CEP43: variants seen among roughly 807,000 people sequenced by gnomAD.
CEP43 encodes the protein FGFR1 oncogene partner.
In CEP43, 36 loss-of-function variants were observed where a neutral mutation model predicts 52.6. The observed-to-expected ratio is 0.68, with a 90% CI of 0.52 to 0.90. The LOEUF (loss-of-function observed/expected upper bound fraction) is 0.90. Ranked by LOEUF, CEP43 falls within the 40% of genes least tolerant of loss-of-function variation. The probability of loss-of-function intolerance (pLI) is 0.00; values close to 1 mark genes in which losing one functional copy is unlikely to be tolerated. For missense variants in CEP43, 506 were observed against 472.8 expected, an observed-to-expected ratio of 1.07 and a Z score of -0.65; for synonymous variants, 192 against 172.4, an observed-to-expected ratio of 1.11 and a Z score of -0.89.
chr6:167,036,791 T>G (rs761997892), intron 12 of CEP43: 3 of 984,446 alleles, frequency 3.0e-6, no homozygotes, highest in Non-Finnish European at 3.6e-6. Flanking sequence ...AAAGCCGCCT[T>G]TATTAGTTTT....
chr6:167,024,090 C>T (rs866198499), intron 8 of CEP43, among the ~76,000 whole-genome samples: 3 of 152,002 alleles, frequency 2.0e-5, no homozygotes, highest in Admixed American at 6.6e-5. Context: ...TGGAGGGCTG[C>T]GCAGCAGTGG....
At position 167,025,103 on chromosome 6, in the gene CEP43, C is replaced by G. The variant is rs890370031; in HGVS notation, c.919+209C>G. 7.6e-5 allele frequency: 35 copies of G among 458,646 alleles called. No individual in the cohort carries two copies. In the Admixed American group the frequency reaches 1.0e-3, roughly 14 times the overall value. 28.4% of individuals were successfully genotyped at this position (458,646 alleles called of 1,614,324 possible). ...TATGTTGTTTTGTATTCTGGCCCTTCCTATACCTATATACCATCGGAATAC... is the reference window on the plus strand; with the variant it reads ...TATGTTGTTTTGTATTCTGGCCCTTGCTATACCTATATACCATCGGAATAC... On this transcript the variant is annotated intron_variant, in intron 9 of 12. Transcript: ENST00000366847.
intron 5 of CEP43, among the ~76,000 whole-genome samples, chr6:167,008,074 T>C (rs983545027): frequency 6.6e-6 from 1 of 152,166 alleles, no homozygotes; most frequent in South Asian, 2.1e-4. Context: ...TCAGCCCTTA[T>C]GAAATGTTCT....
chr6:167,027,062 T>C (rs1780371960), intron 10 of CEP43, among the ~76,000 whole-genome samples: 1 of 152,196 alleles, frequency 6.6e-6, no homozygotes, highest in African/African-American at 2.4e-5. Flanking sequence ...GAGAAAAATT[T>C]GGGCAGAGGC....
intron 10 of CEP43, among the ~76,000 whole-genome samples, chr6:167,027,712 A>T (rs1780384425): frequency 6.6e-6 from 1 of 152,210 alleles, no homozygotes; most frequent in South Asian, 2.1e-4. Flanking sequence ...CTATTTCCTC[A>T]TCTGTTAAGT....
intron 7 of CEP43, among the ~76,000 whole-genome samples, chr6:167,014,139 AATGG>A (rs1463258239): frequency 1.3e-5 from 2 of 152,230 alleles, no homozygotes; most frequent in Non-Finnish European, 2.9e-5. Context: ...TTTTCTTTTG[AATGG>A]ATGATTATAT....
intron 7 of CEP43, among the ~76,000 whole-genome samples, chr6:167,014,861 ATACCT>A (rs1322307225): frequency 6.6e-6 from 1 of 152,256 alleles, no homozygotes; most frequent in East Asian, 1.9e-4. Context: ...GAGATGAGAC[ATACCT>A]TAAGTAAGAT....
rs1368486043 is a variant in CEP43 at position 167,036,783 on chromosome 6, A to C, written c.1125+2812A>C. 3.0e-6 allele frequency: 3 copies of C among 984,496 alleles called. No individual in the cohort carries two copies. In the African/African-American group the frequency reaches 5.2e-5, roughly 17 times the overall value. The allele number at this position is 984,496 out of a possible 1,614,324, so 61.0% of individuals were successfully genotyped here. ...TATTCTAAAACTAAGGAGGCATGAA[A>C]GCCGCCTTTATTAGTTTTGTTTTTG... is the stretch of plus-strand genomic sequence containing the variant. On this transcript the variant is annotated intron_variant, in intron 12 of 12. Transcript: ENST00000366847.
At chr6:167,013,099 A>G (rs956247502) in intron 6 of CEP43, among the ~76,000 whole-genome samples, 20 of 152,196 alleles carry the variant, frequency 1.3e-4, no homozygotes, top group Non-Finnish European at 2.9e-4. Context: ...ACTCTCCAAG[A>G]GTAGGGTCCA....
rs146335239 is a variant in CEP43 at position 167,047,246 on chromosome 6, T to C, written c.*7268T>C. On this transcript the variant is annotated 3_prime_UTR_variant, in exon 13 of 13. Coordinates refer to ENST00000366847, the MANE Select transcript of CEP43 (RefSeq NM_007045.4). ...CACGAGGGAGGAGCACAGGCCACCC[T>C]AGACAGGAGGGGTCCCCTACTGACA... is the stretch of plus-strand genomic sequence containing the variant. 6.6e-6 allele frequency: 1 copy of C among 152,170 alleles called. No homozygotes were observed. The highest frequency in any genetic ancestry group is 1.5e-5 in the Non-Finnish European group (1 of 68,048). The allele number at this position is 152,170 out of a possible 1,614,324, so 9.4% of individuals were successfully genotyped here.
In CEP43 at chr6:167,045,828, C is replaced by T. The variant is rs1780787663; in HGVS notation, c.*5850C>T. On this transcript the variant is annotated 3_prime_UTR_variant, in exon 13 of 13. Coordinates refer to ENST00000366847, the MANE Select transcript of CEP43 (RefSeq NM_007045.4). Reference sequence around the variant, plus strand: ...CTCTTAATCATACTTTGTTTGAAATCCTTTGTGGTTTCTAAAGCACTAGTA... The same window carrying T: ...CTCTTAATCATACTTTGTTTGAAATTCTTTGTGGTTTCTAAAGCACTAGTA... 6.6e-6 allele frequency: 1 copy of T among 152,192 alleles called. No individual in the cohort carries two copies. The highest frequency in any genetic ancestry group is 6.5e-5 in the Admixed American group (1 of 15,294). 9.4% of individuals were successfully genotyped at this position (152,192 alleles called of 1,614,324 possible). A position where few individuals can be genotyped will look rare whatever the true frequency, so the allele number is the denominator to read the frequency against.
chr6:167,003,402 G>C (rs1211250124), intron 3 of CEP43, 155 bp downstream of exon 3: 2 of 511,236 alleles, frequency 3.9e-6, no homozygotes, highest in Non-Finnish European at 6.8e-6. Context: ...CAATCGTGTT[G>C]CTATTACATA....
rs1421206640 is a variant in CEP43 at position 167,040,232 on chromosome 6, C to A, written c.*254C>A. On this transcript the variant is annotated 3_prime_UTR_variant, in exon 13 of 13. Transcript: ENST00000366847. ...TTTATGGAAATTGATTATCTACACT[C>A]AGTTTCATTACAGGGAAGGAACCCA... 3 of 1,519,028 alleles carry A rather than the reference C, an allele frequency of 2.0e-6. No individual in the cohort carries two copies. Among genetic ancestry groups the A allele is most frequent in the Admixed American group, 4.2e-5 (2 of 48,032 alleles). The allele number at this position is 1,519,028 out of a possible 1,614,324, so 94.1% of individuals were successfully genotyped here.
intron 7 of CEP43, among the ~76,000 whole-genome samples, chr6:167,020,770 G>C (rs764502090): frequency 6.6e-6 from 1 of 152,024 alleles, no homozygotes; most frequent in African/African-American, 2.4e-5. Flanking sequence ...TTAGCCAAGC[G>C]TGGTGGCACG....
chr6:167,014,199 C>G (rs538480119), intron 7 of CEP43, among the ~76,000 whole-genome samples: 12 of 152,096 alleles, frequency 7.9e-5, no homozygotes, highest in Non-Finnish European at 1.3e-4. Context: ...AATAGAACAT[C>G]AAACTATTTT....
In CEP43 at chr6:167,028,169, G is replaced by A. The variant is rs1291352221; in HGVS notation, c.988+1554G>A. The A allele has an allele frequency of 1.2e-5, 12 of 985,204 alleles. No individual in the cohort carries two copies. In the African/African-American group the frequency reaches 1.9e-4, roughly 16 times the overall value. The allele number at this position is 985,204 out of a possible 1,614,324, so 61.0% of individuals were successfully genotyped here. On this transcript the variant is annotated intron_variant, in intron 10 of 12. Transcript: ENST00000366847. ...TTTGTGTTCTGTTTTTTTCACTTTT[G>A]TGGTGTTTCACTCTGTTGCCAAACC...
In CEP43 at chr6:167,033,901, A is replaced by AGAT. The variant is rs753880858; in HGVS notation, c.1056_1058dup (p.Glu352_Ile353insMet). The AGAT allele has an allele frequency of 6.3e-7, 1 of 1,590,256 alleles. No individual in the cohort carries two copies. The highest frequency in any genetic ancestry group is 1.1e-5 in the South Asian group (1 of 87,230). On this transcript the variant is annotated inframe_insertion, in exon 12 of 13. Transcript: ENST00000366847. ...ACCAGCCATCGCTCAGAGAAAAGTG[A>AGAT]GATAAGTATTGGTGAAGAGATAGAA...
rs1202025791 is a variant in CEP43 at position 167,041,115 on chromosome 6, TTAC to T, written c.*1141_*1143del. The T allele has an allele frequency of 1.2e-5, 12 of 1,041,804 alleles. No homozygotes were observed. Among genetic ancestry groups the T allele is most frequent in the Non-Finnish European group, 1.4e-5 (12 of 864,560 alleles). The allele number at this position is 1,041,804 out of a possible 1,614,324, so 64.5% of individuals were successfully genotyped here. A position where few individuals can be genotyped will look rare whatever the true frequency, so the allele number is the denominator to read the frequency against. On this transcript the variant is annotated 3_prime_UTR_variant, in exon 13 of 13. Coordinates refer to ENST00000366847, the MANE Select transcript of CEP43 (RefSeq NM_007045.4). ...ATAATTTCAATTAAGTTGCGGCTTT[TTAC>T]TACAAGTTAACTTTATTAGTAAAAG...
At position 167,041,844 on chromosome 6, in the gene CEP43, G is replaced by GGCA; in HGVS notation, c.*1866_*1867insGCA. 6.9e-6 allele frequency: 1 copy of GGCA among 144,934 alleles called. No individual in the cohort carries two copies. The highest frequency in any genetic ancestry group is 1.2e-5 in the Non-Finnish European group (1 of 80,404). The allele number at this position is 144,934 out of a possible 1,614,324, so 9.0% of individuals were successfully genotyped here. A position where few individuals can be genotyped will look rare whatever the true frequency, so the allele number is the denominator to read the frequency against. ...TCTTTTTTTTGCGGGGGGCGGGGGGGACAGAGTCTCACTGTGTCACTCAGA... is the reference window on the plus strand; with the variant it reads ...TCTTTTTTTTGCGGGGGGCGGGGGGGGCAACAGAGTCTCACTGTGTCACTCAGA... On this transcript the variant is annotated 3_prime_UTR_variant, in exon 13 of 13. Transcript: ENST00000366847.
Sources: allele counts gnomAD v4.1 joint callset (sites outside exome capture counted in the v4.1 genomes callset), GRCh38; gene constraint gnomAD v4.1.1; transcripts MANE v1.5; gene names NCBI Gene and HGNC (gene_info 2026-07-23, HGNC 2026-07-21).